Variants in GABRG3 observed in about 807,000 individuals in gnomAD.
GABRG3 encodes the protein gamma-aminobutyric acid receptor subunit gamma-3.
Under a neutral mutation model 48.8 loss-of-function variants are expected in GABRG3, and 25 were observed. The ratio of observed to expected loss-of-function variants is 0.51; its 90% CI spans 0.37 to 0.72. GABRG3 has a LOEUF of 0.72. Ranked by LOEUF, GABRG3 falls within the 30% of genes least tolerant of loss-of-function variation. The pLI is 0.00. For synonymous variants in GABRG3, 227 were observed against 217.6 expected, an observed-to-expected ratio of 1.04 and a Z score of -0.38; for missense variants, 394 against 577.9, an observed-to-expected ratio of 0.68 and a Z score of 3.26.
chr15:26,988,843 C>T (rs1231289365), intron 2 of GABRG3, among the ~76,000 whole-genome samples: 4 of 152,096 alleles, frequency 2.6e-5, no homozygotes, highest in Admixed American at 2.0e-4. Flanking sequence ...AGTCTACCTT[C>T]AATTAATATT....
intron 6 of GABRG3, among the ~76,000 whole-genome samples, chr15:27,518,504 G>C (rs1566876624): frequency 6.6e-6 from 1 of 152,132 alleles, no homozygotes; most frequent in Non-Finnish European, 1.5e-5. Context: ...TTTTAAGATA[G>C]ATATTGTACC....
At chr15:27,138,695 T>C (rs1008038515) in intron 3 of GABRG3, among the ~76,000 whole-genome samples, 4 of 152,234 alleles carry the variant, frequency 2.6e-5, no homozygotes, top group African/African-American at 9.6e-5. Context: ...TCTTTTGTTA[T>C]GTTCCATTGT....
At chr15:27,265,908 T>G (rs1462457910) in intron 3 of GABRG3, among the ~76,000 whole-genome samples, 3 of 139,184 alleles carry the variant, frequency 2.2e-5, no homozygotes, top group Non-Finnish European at 4.6e-5. Context: ...GAGAGTGACC[T>G]TCGCTCTTGT....
At chr15:26,983,452 C>G (rs980360576) in intron 2 of GABRG3, among the ~76,000 whole-genome samples, 1 of 152,126 alleles carries the variant, frequency 6.6e-6, no homozygotes, top group Admixed American at 6.5e-5. Context: ...CTAAATTAAC[C>G]TGTTTAATTT....
chr15:27,148,019 A>G (rs183520499), intron 3 of GABRG3, among the ~76,000 whole-genome samples: 1 of 152,102 alleles, frequency 6.6e-6, no homozygotes, highest in African/African-American at 2.4e-5. Flanking sequence ...TAACAAAACC[A>G]AAAGTTGTTT....
chr15:26,983,017 C>T (rs1010530833), intron 2 of GABRG3, among the ~76,000 whole-genome samples: 3 of 152,190 alleles, frequency 2.0e-5, no homozygotes, highest in African/African-American at 4.8e-5. Flanking sequence ...AATCAGAAAA[C>T]AGAGTCACTA....
intron 6 of GABRG3, among the ~76,000 whole-genome samples, chr15:27,514,814 A>G (rs1219012191): frequency 2.6e-5 from 4 of 152,202 alleles, no homozygotes; most frequent in African/African-American, 7.2e-5. Context: ...ACACACAAAT[A>G]AAAGAGAGGT....
chr15:26,972,599 G>A (rs1373284238), intron 1 of GABRG3, among the ~76,000 whole-genome samples: 2 of 152,136 alleles, frequency 1.3e-5, no homozygotes, highest in African/African-American at 4.8e-5. Context: ...TCCATTTCCT[G>A]GGTCTGGGAG....
chr15:27,006,312 G>A (rs1014765853), intron 2 of GABRG3, among the ~76,000 whole-genome samples: 24 of 151,870 alleles, frequency 1.6e-4, no homozygotes, highest in Non-Finnish European at 3.1e-4. Flanking sequence ...AGCAATTCTC[G>A]TGACTCAGCC....
At chr15:27,159,306 A>T (rs2140402418) in intron 3 of GABRG3, among the ~76,000 whole-genome samples, 1 of 152,138 alleles carries the variant, frequency 6.6e-6, no homozygotes, top group Non-Finnish European at 1.5e-5. Flanking sequence ...ACATGGCAAA[A>T]CCCCATCTCT....
intron 6 of GABRG3, among the ~76,000 whole-genome samples, chr15:27,494,263 C>G (rs1445886824): frequency 6.6e-6 from 1 of 151,742 alleles, no homozygotes; most frequent in Non-Finnish European, 1.5e-5. Flanking sequence ...ACATTAATAT[C>G]AATTCAATAT....
intron 5 of GABRG3, among the ~76,000 whole-genome samples, chr15:27,344,047 C>T (rs1371623824): frequency 2.6e-5 from 4 of 152,208 alleles, no homozygotes; most frequent in African/African-American, 9.7e-5. Context: ...ATGATGCTTG[C>T]ATAAAAAGGA....
chr15:27,162,255 C>G (rs1460712362), intron 3 of GABRG3, among the ~76,000 whole-genome samples: 1 of 152,142 alleles, frequency 6.6e-6, no homozygotes, highest in Non-Finnish European at 1.5e-5. Context: ...AGCTTTGGTC[C>G]ACAGAGTTAG....
intron 5 of GABRG3, among the ~76,000 whole-genome samples, chr15:27,441,461 C>T (rs1888781499): frequency 4.6e-5 from 7 of 152,168 alleles, no homozygotes; most frequent in Admixed American, 3.9e-4. Context: ...GGAAAGATAC[C>T]TGTGTCCCTG....
At chr15:27,207,244 C>G (rs956149052) in intron 3 of GABRG3, among the ~76,000 whole-genome samples, 1 of 152,118 alleles carries the variant, frequency 6.6e-6, no homozygotes, top group Admixed American at 6.5e-5. Flanking sequence ...CAGGACAAAA[C>G]CCTTGTAATT....
chr15:27,193,013 G>A (rs577229850), intron 3 of GABRG3, among the ~76,000 whole-genome samples: 181 of 152,282 alleles, frequency 1.2e-3, no homozygotes, highest in Middle Eastern at 3.4e-3. Context: ...TATCAGCAGC[G>A]GTGTCTGCAG....
chr15:27,155,865 C>T (rs1282410993), intron 3 of GABRG3, among the ~76,000 whole-genome samples: 1 of 152,110 alleles, frequency 6.6e-6, no homozygotes, highest in Non-Finnish European at 1.5e-5. Context: ...TCTCTGAAAC[C>T]ACCTTAGTTG....
chr15:27,508,646 C>T (rs1377193329), intron 6 of GABRG3, among the ~76,000 whole-genome samples: 9 of 152,168 alleles, frequency 5.9e-5, no homozygotes, highest in South Asian at 4.2e-4. Flanking sequence ...TTCCATTTCT[C>T]GTTGATTAGA....
chr15:27,055,435 T>C (rs1896529074), intron 3 of GABRG3, among the ~76,000 whole-genome samples: 1 of 152,190 alleles, frequency 6.6e-6, no homozygotes, highest in South Asian at 2.1e-4. Context: ...AGGCGGAGCA[T>C]CCCAAATCTG....
Sources: allele counts gnomAD v4.1 joint callset (sites outside exome capture counted in the v4.1 genomes callset), GRCh38; gene constraint gnomAD v4.1.1; transcripts MANE v1.5; gene names NCBI Gene and HGNC (gene_info 2026-07-23, HGNC 2026-07-21).